The following TMEM14A variants were observed in gnomAD, a reference collection of about 807,000 sequenced individuals.
The protein encoded by TMEM14A is transmembrane protein 14A.
TMEM14A carries 8 observed loss-of-function variants against 11.6 expected under a neutral mutation model. The observed-to-expected ratio is 0.69, with a 90% CI of 0.40 to 1.24. The LOEUF is 1.24. Among genes scored for constraint, TMEM14A ranks in the 50% most tolerant of loss-of-function variants. The pLI, the probability that TMEM14A is intolerant of heterozygous loss-of-function variation, is 0.01. For missense variants in TMEM14A, 108 were observed against 121.9 expected, an observed-to-expected ratio of 0.89 and a Z score of 0.54; for synonymous variants, 34 against 45.5, an observed-to-expected ratio of 0.75 and a Z score of 1.02.
At chr6:52,683,102 A>C (rs1350928815) in intron 3 of TMEM14A, among the ~76,000 whole-genome samples, 1 of 152,144 alleles carries the variant, frequency 6.6e-6, no homozygotes, top group Non-Finnish European at 1.5e-5. Context: ...TTTCTGAGGG[A>C]AGTTGAATAA....
intron 3 of TMEM14A, among the ~76,000 whole-genome samples, 163 bp from the exon 4 acceptor site, chr6:52,683,915 T>G (rs1235090053): frequency 6.6e-6 from 1 of 152,200 alleles, no homozygotes; most frequent in East Asian, 1.9e-4. Flanking sequence ...GGCCCGGCCA[T>G]GAAGTGTTTT....
chr6:52,677,603 A>G (rs1270010829), intron 2 of TMEM14A, among the ~76,000 whole-genome samples: 2 of 151,090 alleles, frequency 1.3e-5, no homozygotes, highest in Non-Finnish European at 3.0e-5. Context: ...ACCTTTGTCC[A>G]AAAGAGGGGG....
intron 2 of TMEM14A, among the ~76,000 whole-genome samples, chr6:52,680,660 T>TATATATACAC: frequency 2.1e-5 from 1 of 46,722 alleles, no homozygotes; most frequent in Admixed American, 2.2e-4. Context: ...TGTGTGTGTA[T>TATATATACAC]ATATATGTGT....
intron 2 of TMEM14A, among the ~76,000 whole-genome samples, chr6:52,680,874 T>TGTTG (rs1554137501): frequency 6.9e-6 from 1 of 145,514 alleles, no homozygotes; most frequent in Non-Finnish European, 1.5e-5. Flanking sequence ...TGTGTGTGTG[T>TGTTG]TGTGTGTGTG....
In TMEM14A at chr6:52,686,097, G is replaced by C. The variant is rs1769488330; in HGVS notation, c.*48G>C. On this transcript the variant is annotated 3_prime_UTR_variant, in exon 5 of 5. Transcript: ENST00000211314. ...AAGTTCATGTCATCCTGCTGTAATG[G>C]GCAGAGCATATTTTTTTTGTATTTA... is the stretch of plus-strand genomic sequence containing the variant. 3.3e-6 allele frequency: 5 copies of C among 1,536,428 alleles called. No individual in the cohort carries two copies. The highest frequency in any genetic ancestry group is 4.4e-6 in the Non-Finnish European group (5 of 1,138,588).
At chr6:52,671,898 T>G (rs1300364373) in intron 1 of TMEM14A, among the ~76,000 whole-genome samples, 1 of 152,202 alleles carries the variant, frequency 6.6e-6, no homozygotes, top group Non-Finnish European at 1.5e-5. Context: ...TAACACAGCC[T>G]CTGGCTTTAA....
chr6:52,684,893 C>G (rs2144702), intron 4 of TMEM14A, among the ~76,000 whole-genome samples: 2 of 152,248 alleles, frequency 1.3e-5, no homozygotes, highest in African/African-American at 4.8e-5. Context: ...TAGGAACAAC[C>G]TAACAGTTCA....
intron 2 of TMEM14A, among the ~76,000 whole-genome samples, chr6:52,680,664 TATGTGTATATATATATATAC>T (rs1464605870): frequency 1.2e-5 from 1 of 81,634 alleles, no homozygotes; most frequent in African/African-American, 4.2e-5. Context: ...TGTGTATATA[TATGTGTATATATATATATAC>T]ATATATGTAT....
chr6:52,679,624 T>C (rs1034837437), intron 2 of TMEM14A, among the ~76,000 whole-genome samples: 1 of 152,226 alleles, frequency 6.6e-6, no homozygotes, highest in African/African-American at 2.4e-5. Context: ...CCTTTTCTTG[T>C]AGCCCCCACT....
chr6:52,673,364 T>A (rs1200164865), intron 1 of TMEM14A, among the ~76,000 whole-genome samples: 1 of 144,156 alleles, frequency 6.9e-6, no homozygotes, highest in Non-Finnish European at 1.5e-5. Context: ...TTAAATCAAG[T>A]TGCCAGGTAG....
chr6:52,680,704 T>TATATATATATATATAC lies in TMEM14A; in HGVS notation c.71-1108_71-1107insTATATATATATATACA, dbSNP rs371102796. Among the ~76,000 whole-genome samples the TATATATATATATATAC allele has an allele frequency of 6.8e-4, 35 of 51,108 alleles. 4 individuals carry two copies. Among genetic ancestry groups the TATATATATATATATAC allele is most frequent in the African/African-American group, 1.9e-3 (34 of 17,496 alleles). 33.5% of individuals were successfully genotyped at this position (51,108 alleles called of 152,430 possible). On this transcript the variant is annotated intron_variant, in intron 2 of 4. Coordinates refer to ENST00000211314, the MANE Select transcript of TMEM14A (RefSeq NM_014051.4). ...ATATACATATATGTATATATATATATACACATATATATATGGCATGGATGA... is the reference window on the plus strand; with the variant it reads ...ATATACATATATGTATATATATATATATATATATATATATACACACATATATATATGGCATGGATGA...
intron 1 of TMEM14A, among the ~76,000 whole-genome samples, chr6:52,673,065 G>T (rs1386544598): frequency 6.6e-6 from 1 of 152,124 alleles, no homozygotes; most frequent in African/African-American, 2.4e-5. Context: ...TGTGCCATTA[G>T]GGCCTTGCAC....
At position 52,681,849 on chromosome 6, in the gene TMEM14A, G is replaced by A. The variant is rs1561875503; in HGVS notation, c.107G>A (p.Gly36Glu). Residue 36 changes from glycine (G) to glutamate (E), a missense_variant, in exon 3 of 5, where the codon GGA becomes GAA. By Grantham distance (98) the Gly-to-Glu change is moderately conservative. Coordinates refer to ENST00000211314, the MANE Select transcript of TMEM14A (RefSeq NM_014051.4). ...VPSLIAGLFV[G>E]CLAGYGAYRV... is the part of the protein sequence containing the mutation. ...TCTTTGATTGCTGGTCTTTTTGTTG[G>A]ATGTTTGGCCGGCTATGGAGCTTAC... The A allele has an allele frequency of 6.2e-7, 1 of 1,613,998 alleles. No homozygotes were observed. Among genetic ancestry groups the A allele is most frequent in the East Asian group, 2.2e-5 (1 of 44,872 alleles).
At chr6:52,681,989 T>C (rs764828274) in intron 3 of TMEM14A, 75 bp downstream of exon 3, 4 of 1,272,338 alleles carry the variant, frequency 3.1e-6, no homozygotes, top group East Asian at 2.3e-5. Context: ...ATGCTAGATA[T>C]ACTAGAACAT....
chr6:52,682,958 A>G (rs1769418879), intron 3 of TMEM14A, among the ~76,000 whole-genome samples: 1 of 152,162 alleles, frequency 6.6e-6, no homozygotes, highest in African/African-American at 2.4e-5. Context: ...AACAAAACCA[A>G]TCAGCCTTCT....
intron 1 of TMEM14A, 46 bp from the exon 2 acceptor site, chr6:52,677,041 A>C: frequency 6.3e-7 from 1 of 1,588,546 alleles, no homozygotes; most frequent in Non-Finnish European, 8.6e-7. Flanking sequence ...TTCCCTCCCC[A>C]AAACTTTTTT....
Position 52,686,328 on chromosome 6 carries a change from G to GA in TMEM14A, c.*283dup, listed in dbSNP as rs1769493275. ...ATTTTTTATATATTTGGTATTTTTT[G>GA]AAAATTCCAAATACTCATGTCTCAA... On this transcript the variant is annotated 3_prime_UTR_variant, in exon 5 of 5. Transcript: ENST00000211314. 2.5e-6 allele frequency: 1 copy of GA among 394,626 alleles called. No homozygotes were observed. Among genetic ancestry groups the GA allele is most frequent in the African/African-American group, 2.1e-5 (1 of 48,400 alleles). The allele number at this position is 394,626 out of a possible 1,614,324, so 24.4% of individuals were successfully genotyped here. A position where few individuals can be genotyped will look rare whatever the true frequency, so the allele number is the denominator to read the frequency against.
intron 1 of TMEM14A, among the ~76,000 whole-genome samples, chr6:52,673,022 CCTTGCA>C (rs1769190502): frequency 6.6e-6 from 1 of 152,196 alleles, no homozygotes; most frequent in Non-Finnish European, 1.5e-5. Context: ...TTCACAAGCC[CCTTGCA>C]CTTTTCATTT....
intron 2 of TMEM14A, among the ~76,000 whole-genome samples, chr6:52,679,370 C>G (rs1769323265): frequency 6.6e-6 from 1 of 152,138 alleles, no homozygotes; most frequent in African/African-American, 2.4e-5. Flanking sequence ...TGCCTTGTCC[C>G]ACACTAGGGC....
Sources: allele counts gnomAD v4.1 joint callset (sites outside exome capture counted in the v4.1 genomes callset), GRCh38; gene constraint gnomAD v4.1.1; transcripts MANE v1.5; gene names NCBI Gene and HGNC (gene_info 2026-07-23, HGNC 2026-07-21).